Variants in ROBO2 observed in about 807,000 individuals in gnomAD.
The protein encoded by ROBO2 is roundabout guidance receptor 2, also known as roundabout homolog 2.
Under a neutral mutation model 160.8 loss-of-function variants are expected in ROBO2, and 53 were observed. The ratio of observed to expected loss-of-function variants is 0.33; its 90% CI spans 0.26 to 0.41. The LOEUF (loss-of-function observed/expected upper bound fraction) is 0.41, where lower values mean the gene tolerates loss of function less well. Among genes scored for constraint, ROBO2 ranks in the 10% least tolerant of loss-of-function variants. ROBO2 has a pLI of 1.00. For missense variants in ROBO2, 1,577 were observed against 1,722.4 expected (o/e 0.92, Z 1.49); for synonymous variants, 664 against 611.7 (o/e 1.09, Z -1.26).
intron 2 of ROBO2, among the ~76,000 whole-genome samples, chr3:76,902,318 T>C (rs1255368420): frequency 6.6e-6 from 1 of 152,066 alleles, no homozygotes; most frequent in Non-Finnish European, 1.5e-5. Flanking sequence ...TCTGTTCATA[T>C]GCACTACTCT....
chr3:76,799,042 G>A (rs1231945282), intron 2 of ROBO2, among the ~76,000 whole-genome samples: 3 of 151,670 alleles, frequency 2.0e-5, no homozygotes, highest in Admixed American at 6.6e-5. Context: ...GTGAAACCCC[G>A]TCTCTACTAA....
chr3:76,512,790 A>G (rs1309194628), intron 2 of ROBO2, among the ~76,000 whole-genome samples: 2 of 152,192 alleles, frequency 1.3e-5, no homozygotes, highest in Admixed American at 6.5e-5. Flanking sequence ...TTCCATCCTC[A>G]AATATTTCAT....
chr3:77,493,341 T>C, exon 5 of ROBO2: 1 of 1,614,010 alleles, frequency 6.2e-7, no homozygotes, highest in Non-Finnish European at 8.5e-7. Flanking sequence ...CTCAACCAAC[T>C]GTGAGGTGGA....
chr3:76,644,480 G>T (rs565850195), intron 2 of ROBO2, among the ~76,000 whole-genome samples: 2 of 152,100 alleles, frequency 1.3e-5, no homozygotes, highest in East Asian at 3.9e-4. Flanking sequence ...TTTTTTCAGT[G>T]TACCTTGCCC....
intron 2 of ROBO2, among the ~76,000 whole-genome samples, chr3:76,678,693 A>T (rs1371922317): frequency 3.3e-5 from 5 of 152,138 alleles, no homozygotes; most frequent in African/African-American, 1.2e-4. Flanking sequence ...ATGTCAGTGC[A>T]GTGCTCCATT....
At chr3:76,543,348 T>C (rs569527588) in intron 2 of ROBO2, among the ~76,000 whole-genome samples, 150 of 152,214 alleles carry the variant, frequency 9.9e-4, no homozygotes, top group African/African-American at 3.4e-3. Context: ...CCTGGTGTCC[T>C]TATAAGAAAA....
intron 6 of ROBO2, among the ~76,000 whole-genome samples, chr3:77,524,732 G>A (rs2090962177): frequency 6.6e-6 from 1 of 151,152 alleles, no homozygotes; most frequent in Non-Finnish European, 1.5e-5. Context: ...CTCCTCATGC[G>A]GGGATGTTTG....
At chr3:76,868,047 A>T (rs941225782) in intron 2 of ROBO2, among the ~76,000 whole-genome samples, 1 of 152,178 alleles carries the variant, frequency 6.6e-6, no homozygotes. Flanking sequence ...GACAACATTC[A>T]TTTGGCTCCA....
intron 2 of ROBO2, among the ~76,000 whole-genome samples, chr3:76,314,050 T>G (rs1576368380): frequency 6.6e-6 from 1 of 152,248 alleles, no homozygotes; most frequent in East Asian, 1.9e-4. Context: ...TTGTTGGCTC[T>G]CAAGGGATTT....
chr3:76,798,248 GAAA>G (rs1480624822), intron 2 of ROBO2, among the ~76,000 whole-genome samples: 1 of 76,884 alleles, frequency 1.3e-5, no homozygotes, highest in Non-Finnish European at 2.8e-5. Context: ...AAAAAAAGAA[GAAA>G]GAAAGAAGGA....
chr3:77,584,382 C>T (rs1221332641), intron 16 of ROBO2, among the ~76,000 whole-genome samples: 2 of 152,090 alleles, frequency 1.3e-5, no homozygotes, highest in Admixed American at 6.6e-5. Flanking sequence ...TATTTGCTTG[C>T]CAGTGCCTTT....
intron 2 of ROBO2, among the ~76,000 whole-genome samples, chr3:77,407,935 A>C (rs186659191): frequency 2.0e-4 from 31 of 152,326 alleles, no homozygotes; most frequent in Middle Eastern, 3.4e-3. Flanking sequence ...TGTTACTAAC[A>C]GATTTAATAA....
intron 7 of ROBO2, among the ~76,000 whole-genome samples, chr3:77,548,861 G>C (rs2092804309): frequency 6.6e-6 from 1 of 151,932 alleles, no homozygotes. Context: ...GAGAACAAGA[G>C]AGAAGTGCTT....
intron 1 of ROBO2, among the ~76,000 whole-genome samples, chr3:75,929,124 A>C (rs111912751): frequency 0.031 from 3,874 of 123,006 alleles, 37 homozygotes; most frequent in African/African-American, 0.15. Flanking sequence ...AGAATGATCT[A>C]TGTACTTTCA....
chr3:77,190,951 T>A (rs1394859800), intron 2 of ROBO2, among the ~76,000 whole-genome samples: 1 of 152,028 alleles, frequency 6.6e-6, no homozygotes, highest in South Asian at 2.1e-4. Flanking sequence ...AAAAAATGCA[T>A]CACAGAAGTC....
chr3:76,097,728 C>T (rs2069513405), intron 2 of ROBO2, among the ~76,000 whole-genome samples: 1 of 152,152 alleles, frequency 6.6e-6, no homozygotes, highest in Non-Finnish European at 1.5e-5. Flanking sequence ...AATACACATA[C>T]ACAAGTCCAT....
At chr3:76,304,404 C>T (rs1023371478) in intron 2 of ROBO2, among the ~76,000 whole-genome samples, 5 of 152,212 alleles carry the variant, frequency 3.3e-5, no homozygotes, top group East Asian at 3.9e-4. Flanking sequence ...GGAGAAATAA[C>T]GACGTAATTA....
chr3:77,612,459 A>G (rs1432692245), intron 21 of ROBO2, among the ~76,000 whole-genome samples: 2 of 152,044 alleles, frequency 1.3e-5, no homozygotes, highest in African/African-American at 4.8e-5. Context: ...CCATGCCCCA[A>G]CTTTCCTTCA....
intron 1 of ROBO2, among the ~76,000 whole-genome samples, chr3:77,095,279 T>C (rs1424125643): frequency 6.6e-6 from 1 of 152,194 alleles, no homozygotes; most frequent in Non-Finnish European, 1.5e-5. Context: ...ATTGTAATGA[T>C]AAATGAGTAA....
Sources: gnomAD v4.1 joint callset for allele counts (sites outside exome capture counted in the v4.1 genomes callset) on GRCh38, gnomAD v4.1.1 for gene constraint, MANE v1.5 for transcripts, NCBI Gene and HGNC (gene_info 2026-07-23, HGNC 2026-07-21) for gene names.